The following LRRC28 variants were observed in gnomAD, a reference collection of about 807,000 sequenced individuals.
LRRC28 encodes the protein leucine rich repeat containing 28, also known as leucine-rich repeat-containing protein 28.
LRRC28 carries 39 observed loss-of-function variants against 45.7 expected under a neutral mutation model. The ratio of observed to expected loss-of-function variants is 0.85; its 90% CI spans 0.66 to 1.12. LRRC28 has a LOEUF of 1.12. LRRC28 is among the 50% of genes most tolerant of loss of function. The pLI is 0.00. For synonymous variants in LRRC28, 206 were observed against 178.8 expected, an observed-to-expected ratio of 1.15 and a Z score of -1.22; for missense variants, 435 against 438.5, an observed-to-expected ratio of 0.99 and a Z score of 0.07.
chr15:99,309,145 A>G (rs1014548493), intron 5 of LRRC28, among the ~76,000 whole-genome samples: 3 of 152,154 alleles, frequency 2.0e-5, no homozygotes, highest in Non-Finnish European at 4.4e-5. Context: ...TAAATATACT[A>G]ATTAGGCTTG....
intron 5 of LRRC28, among the ~76,000 whole-genome samples, chr15:99,306,740 G>A (rs1955196203): frequency 6.6e-6 from 1 of 152,214 alleles, no homozygotes. Flanking sequence ...CAGCTTGGCT[G>A]AGTGACCTTG....
At chr15:99,339,747 A>T (rs922302208) in intron 6 of LRRC28, among the ~76,000 whole-genome samples, 1 of 151,962 alleles carries the variant, frequency 6.6e-6, no homozygotes, top group Non-Finnish European at 1.5e-5. Flanking sequence ...ATTTGTAATC[A>T]GGAACGTTTA....
chr15:99,301,924 A>G (rs1375379887), intron 5 of LRRC28, among the ~76,000 whole-genome samples: 1 of 152,088 alleles, frequency 6.6e-6, no homozygotes, highest in East Asian at 1.9e-4. Context: ...TGTGTTCCAT[A>G]CATCACTTTT....
In LRRC28 at chr15:99,386,445, A is replaced by AAC. The variant is rs1957993491; in HGVS notation, c.*349_*350dup. 1 of 213,418 alleles carries AAC rather than the reference A, an allele frequency of 4.7e-6. No homozygotes were observed. The highest frequency in any genetic ancestry group is 1.0e-4 in the East Asian group (1 of 9,588). 13.2% of individuals were successfully genotyped at this position (213,418 alleles called of 1,614,324 possible). Reference sequence around the variant, plus strand: ...GATCATCTAGCCAGATTCCCTTTTGAACACACATACCTTCAGTGATGCTTC... The same window carrying AAC: ...GATCATCTAGCCAGATTCCCTTTTGAACACACACATACCTTCAGTGATGCTTC... On this transcript the variant is annotated 3_prime_UTR_variant, in exon 10 of 10. Coordinates refer to ENST00000301981, the MANE Select transcript of LRRC28 (RefSeq NM_144598.5).
intron 5 of LRRC28, among the ~76,000 whole-genome samples, chr15:99,316,114 A>G (rs192610138): frequency 6.6e-6 from 1 of 152,318 alleles, no homozygotes; most frequent in African/African-American, 2.4e-5. Context: ...TATTAATGCT[A>G]TATTGGCTCA....
intron 5 of LRRC28, among the ~76,000 whole-genome samples, chr15:99,312,253 C>A (rs535137721): frequency 6.6e-5 from 10 of 152,202 alleles, no homozygotes; most frequent in Non-Finnish European, 1.2e-4. Flanking sequence ...TCCTAGGCTA[C>A]AAACCTGTGC....
At chr15:99,291,573 A>G (rs2082122474) in intron 5 of LRRC28, among the ~76,000 whole-genome samples, 1 of 152,230 alleles carries the variant, frequency 6.6e-6, no homozygotes, top group Admixed American at 6.5e-5. Flanking sequence ...CCATTTGACC[A>G]CAGTAGGCAC....
intron 3 of LRRC28, among the ~76,000 whole-genome samples, chr15:99,281,544 A>G (rs1335072990): frequency 6.6e-6 from 1 of 152,122 alleles, no homozygotes; most frequent in African/African-American, 2.4e-5. Flanking sequence ...CCTGTTTGCT[A>G]ATTCTGTCAT....
Position 99,287,799 on chromosome 15 carries a change from C to G in LRRC28, c.248-15C>G. The G allele has an allele frequency of 6.3e-7, 1 of 1,586,508 alleles. No homozygotes were observed. Among genetic ancestry groups the G allele is most frequent in the East Asian group, 2.3e-5 (1 of 43,954 alleles). On this transcript the variant is annotated splice_polypyrimidine_tract_variant and intron_variant, in intron 4 of 9. Transcript: ENST00000301981. ...TGAGTCAAATTCATTTTGCCTTCTC[C>G]TTTTCTCTTTGAAGCCATTGGGTCT...
rs1266149105 is a variant in LRRC28 at position 99,387,424 on chromosome 15, G to A, written c.*1322G>A. 6.6e-6 allele frequency: 1 copy of A among 152,190 alleles called. No individual in the cohort carries two copies. Among genetic ancestry groups the A allele is most frequent in the Non-Finnish European group, 1.5e-5 (1 of 68,060 alleles). The allele number at this position is 152,190 out of a possible 1,614,324, so 9.4% of individuals were successfully genotyped here. A position where few individuals can be genotyped will look rare whatever the true frequency, so the allele number is the denominator to read the frequency against. On this transcript the variant is annotated 3_prime_UTR_variant, in exon 10 of 10. Transcript: ENST00000301981. The stretch of plus-strand genomic sequence containing the variant: ...GTGCACATTTACTTCGTCACCTGGT[G>A]CACCACACTGTCTTCATGTTGGCCC...
chr15:99,298,315 G>A (rs2082317537), intron 5 of LRRC28, among the ~76,000 whole-genome samples: 1 of 152,182 alleles, frequency 6.6e-6, no homozygotes, highest in Non-Finnish European at 1.5e-5. Context: ...GGTTAAGGAG[G>A]GCTTAAGGAG....
At chr15:99,338,538 G>T (rs1956402666) in intron 6 of LRRC28, 1 of 152,164 alleles carries the variant, frequency 6.6e-6, no homozygotes, top group South Asian at 2.1e-4. Context: ...TAAGAGCCTT[G>T]ATTCTATAAA....
intron 3 of LRRC28, chr15:99,285,100 T>A (rs2081922329): frequency 2.8e-6 from 2 of 703,290 alleles, no homozygotes; most frequent in Admixed American, 1.8e-5. Context: ...AGTGACAGTC[T>A]TATCCACGAA....
chr15:99,337,406 A>G (rs1956361419), intron 6 of LRRC28, among the ~76,000 whole-genome samples: 1 of 152,266 alleles, frequency 6.6e-6, no homozygotes, highest in South Asian at 2.1e-4. Context: ...ACTGAGTGCT[A>G]CATACACATA....
At chr15:99,296,578 TCC>T (rs1160643842) in intron 5 of LRRC28, among the ~76,000 whole-genome samples, 1 of 152,234 alleles carries the variant, frequency 6.6e-6, no homozygotes, top group Non-Finnish European at 1.5e-5. Context: ...TGGCAGAGCA[TCC>T]TTCTGGTGTC....
intron 5 of LRRC28, among the ~76,000 whole-genome samples, chr15:99,296,700 A>C (rs1002077844): frequency 6.6e-6 from 1 of 152,204 alleles, no homozygotes; most frequent in African/African-American, 2.4e-5. Flanking sequence ...GCTTAACAAA[A>C]TAGTATTTAC....
chr15:99,346,372 T>TG (rs1482883202), intron 6 of LRRC28, among the ~76,000 whole-genome samples: 1 of 152,200 alleles, frequency 6.6e-6, no homozygotes, highest in African/African-American at 2.4e-5. Context: ...ATCTTGCTGT[T>TG]TCCCAAGCTG....
At chr15:99,357,287 G>T (rs1298511385) in intron 7 of LRRC28, among the ~76,000 whole-genome samples, 2 of 152,130 alleles carry the variant, frequency 1.3e-5, no homozygotes, top group Non-Finnish European at 2.9e-5. Flanking sequence ...CTGATCTTAA[G>T]TATGTTCCTC....
intron 3 of LRRC28, 47 bp from the exon 4 acceptor site, chr15:99,287,210 A>T (rs554242353): frequency 2.7e-6 from 4 of 1,490,512 alleles, no homozygotes; most frequent in Non-Finnish European, 3.6e-6. Context: ...ATTATCTGGC[A>T]AAAGTACTTA....
Sources: gnomAD v4.1 joint callset for allele counts (sites outside exome capture counted in the v4.1 genomes callset) on GRCh38, gnomAD v4.1.1 for gene constraint, MANE v1.5 for transcripts, NCBI Gene and HGNC (gene_info 2026-07-23, HGNC 2026-07-21) for gene names.